DNAH5: variants seen among roughly 807,000 people sequenced by gnomAD.
DNAH5 encodes the protein axonemal beta dynein heavy chain 5.
A neutral mutation model predicts 518.2 loss-of-function variants in DNAH5; 372 were observed. That is an observed-to-expected ratio of 0.72 (90% CI 0.66 to 0.78). The LOEUF (loss-of-function observed/expected upper bound fraction) is 0.78, where lower values mean the gene tolerates loss of function less well. Ranked by LOEUF, DNAH5 falls within the 30% of genes least tolerant of loss-of-function variation. The probability of loss-of-function intolerance (pLI) is 0.00; values close to 1 mark genes in which losing one functional copy is unlikely to be tolerated. For synonymous variants in DNAH5, 2,039 were observed against 2,025.9 expected, an observed-to-expected ratio of 1.01 and a Z score of -0.17; for missense variants, 5,523 against 5,687.0, an observed-to-expected ratio of 0.97 and a Z score of 0.93.
chr5:13,834,188 C>T (rs1050880806), intron 35 of DNAH5, among the ~76,000 whole-genome samples: 1 of 151,878 alleles, frequency 6.6e-6, no homozygotes, highest in African/African-American at 2.4e-5. Flanking sequence ...CCTTTACTTA[C>T]ATACTTGAAA....
chr5:13,927,962 G>A (rs1778051704), intron 3 of DNAH5, 132 bp downstream of exon 3: 7 of 711,010 alleles, frequency 9.8e-6, no homozygotes, highest in South Asian at 9.4e-5. Flanking sequence ...TTCCCACATG[G>A]ACCCACACAC....
chr5:13,944,310 G>T (rs1244596664), intron 1 of DNAH5, 72 bp downstream of exon 1: 4 of 1,510,912 alleles, frequency 2.6e-6, no homozygotes, highest in African/African-American at 2.7e-5. Context: ...TTTCAAGTTT[G>T]TTTTTTCCAC....
At chr5:13,719,352 T>C (rs1744739520) in intron 71 of DNAH5, among the ~76,000 whole-genome samples, 1 of 152,182 alleles carries the variant, frequency 6.6e-6, no homozygotes, top group African/African-American at 2.4e-5. Context: ...ATCATGAATA[T>C]AATCAAAGTT....
At chr5:13,809,842 G>A (rs1168517731) in intron 45 of DNAH5, among the ~76,000 whole-genome samples, 1 of 152,164 alleles carries the variant, frequency 6.6e-6, no homozygotes, top group Non-Finnish European at 1.5e-5. Flanking sequence ...AAAGTTTAGT[G>A]CACAAGATAT....
chr5:13,811,460 A>G (rs943725647), intron 44 of DNAH5, among the ~76,000 whole-genome samples, 187 bp downstream of exon 44: 1 of 152,240 alleles, frequency 6.6e-6, no homozygotes, highest in Non-Finnish European at 1.5e-5. Context: ...ATATGAAAAA[A>G]TAAGTATATA....
intron 14 of DNAH5, 65 bp downstream of exon 14, chr5:13,901,187 T>G: frequency 6.5e-7 from 1 of 1,547,100 alleles, no homozygotes; most frequent in Non-Finnish European, 8.8e-7. Context: ...AATAACACTG[T>G]CAAATGCTAG....
chr5:13,777,645 T>C (rs951571421), intron 53 of DNAH5, among the ~76,000 whole-genome samples: 2 of 152,224 alleles, frequency 1.3e-5, no homozygotes, highest in South Asian at 2.1e-4. Context: ...AATGTATCTT[T>C]CTCAAAATTT....
At chr5:13,981,862 T>C (rs1379253326) in intron 1 of DNAH5, among the ~76,000 whole-genome samples, 1 of 152,172 alleles carries the variant, frequency 6.6e-6, no homozygotes, top group Non-Finnish European at 1.5e-5. Context: ...CCCATAACCA[T>C]GTGGCCAACA....
chr5:13,865,923 T>A lies in DNAH5; in HGVS notation c.4117-17A>T. 6.8e-7 allele frequency: 1 copy of A among 1,460,232 alleles called. No individual in the cohort carries two copies. The highest frequency in any genetic ancestry group is 9.6e-7 in the Non-Finnish European group (1 of 1,041,298). The allele number at this position is 1,460,232 out of a possible 1,614,324, so 90.5% of individuals were successfully genotyped here. ...AAATTGATTCTAATAAAAACACAAG[T>A]GAAAACGCATCAAAATGATTTATAC... On this transcript the variant is annotated splice_polypyrimidine_tract_variant and intron_variant, in intron 26 of 78. Coordinates refer to ENST00000265104, the MANE Select transcript of DNAH5 (RefSeq NM_001369.3).
chr5:13,756,955 C>T lies in DNAH5; in HGVS notation c.10419+1891G>A, dbSNP rs190004161. Among the ~76,000 whole-genome samples, 14 of 152,240 alleles carry T rather than the reference C, an allele frequency of 9.2e-5. No homozygotes were observed. In the East Asian group the frequency reaches 2.1e-3, roughly 23 times the overall value. ...CCCACTTATAAGTGAAAACATGTGGCATTTGGTTTTTCAGTTCCTGTGTTA... is the reference window on the plus strand; with the variant it reads ...CCCACTTATAAGTGAAAACATGTGGTATTTGGTTTTTCAGTTCCTGTGTTA... On this transcript the variant is annotated intron_variant, in intron 61 of 78. Transcript: ENST00000265104.
intron 14 of DNAH5, 80 bp downstream of exon 14, chr5:13,901,171 TA>T: frequency 6.7e-7 from 1 of 1,486,072 alleles, no homozygotes; most frequent in Non-Finnish European, 9.2e-7. Flanking sequence ...TCCAGCTTTC[TA>T]AAGAAATAAC....
At position 13,784,444 on chromosome 5, in the gene DNAH5, C is replaced by T. The variant is rs887511548; in HGVS notation, c.8820+1735G>A. Among the ~76,000 whole-genome samples the T allele has an allele frequency of 5.5e-4, 83 of 152,276 alleles. 1 individual carries two copies. Among genetic ancestry groups the T allele is most frequent in the African/African-American group, 1.9e-3 (79 of 41,562 alleles). Reference sequence around the variant, plus strand: ...AGATTCTGAGAATCCACAGAGTTGCCAAGCCAAGTGCCCTCGTGCTGGGGA... The same window carrying T: ...AGATTCTGAGAATCCACAGAGTTGCTAAGCCAAGTGCCCTCGTGCTGGGGA... On this transcript the variant is annotated intron_variant, in intron 52 of 78. Coordinates refer to ENST00000265104, the MANE Select transcript of DNAH5 (RefSeq NM_001369.3).
intron 43 of DNAH5, among the ~76,000 whole-genome samples, chr5:13,813,929 T>C (rs998039753): frequency 6.6e-6 from 1 of 152,160 alleles, no homozygotes; most frequent in Admixed American, 6.5e-5. Flanking sequence ...ATATTCAATA[T>C]AACCAACTAT....
intron 26 of DNAH5, 77 bp from the exon 27 acceptor site, chr5:13,865,983 A>C: frequency 8.7e-7 from 1 of 1,147,172 alleles, no homozygotes; most frequent in Non-Finnish European, 1.3e-6. Context: ...TAAGATTTGC[A>C]AACAAGCAAG....
At chr5:13,771,081 A>C in intron 55 of DNAH5, 101 bp from the exon 56 acceptor site, 1 of 1,114,372 alleles carries the variant, frequency 9.0e-7, no homozygotes, top group South Asian at 1.4e-5. Flanking sequence ...TTAGGAATGC[A>C]AACCATTTTT....
chr5:13,828,453 G>C (rs1309279555), intron 38 of DNAH5, among the ~76,000 whole-genome samples: 1 of 152,114 alleles, frequency 6.6e-6, no homozygotes, highest in Non-Finnish European at 1.5e-5. Flanking sequence ...ACCTCCTGGT[G>C]GTCATGTCCT....
chr5:13,844,972 CA>C lies in DNAH5; in HGVS notation c.5135del (p.Leu1712ArgfsTer15). The C allele has an allele frequency of 6.2e-7, 1 of 1,614,110 alleles. No individual in the cohort carries two copies. The highest frequency in any genetic ancestry group is 8.5e-7 in the Non-Finnish European group (1 of 1,179,990). ...AGACGAAGAAAAACCGAGGAAAGCA[CA>C]GTCGTTTTTTCTCCAAGTACCTACA... is the stretch of plus-strand genomic sequence containing the variant. ...SLTGYLEKKR[L>X]CFPRFFFVSD... On this transcript the variant is annotated frameshift_variant, in exon 32 of 79. Coordinates refer to ENST00000265104, the MANE Select transcript of DNAH5 (RefSeq NM_001369.3). LOFTEE classifies it high-confidence loss of function.
chr5:13,807,608 T>C lies in DNAH5; in HGVS notation c.7870A>G (p.Thr2624Ala), dbSNP rs1296034184. ...IKSLNFSSATTPLMFQRTIES... is the reference protein window; with the variant it reads ...IKSLNFSSATAPLMFQRTIES... The stretch of plus-strand genomic sequence containing the variant: ...GCCAGTACCTGGAACATCAGTGGGG[T>C]GGTTGCAGAAGAAAAATTCAGACTC... Residue 2624 changes from threonine to alanine, a missense_variant, in exon 47 of 79, where the codon ACC becomes GCC. Coordinates refer to ENST00000265104, the MANE Select transcript of DNAH5 (RefSeq NM_001369.3). 3.7e-6 allele frequency: 6 copies of C among 1,613,574 alleles called. No individual in the cohort carries two copies. The highest frequency in any genetic ancestry group is 2.7e-5 in the African/African-American group (2 of 74,976).
chr5:13,954,217 C>G (rs995226790), intron 1 of DNAH5, among the ~76,000 whole-genome samples: 1 of 152,148 alleles, frequency 6.6e-6, no homozygotes, highest in Admixed American at 6.5e-5. Context: ...CCCTGATATA[C>G]CCTGCACGAT....
Sources: gnomAD v4.1 joint callset for allele counts (sites outside exome capture counted in the v4.1 genomes callset) on GRCh38, gnomAD v4.1.1 for gene constraint, MANE v1.5 for transcripts, NCBI Gene and HGNC (gene_info 2026-07-23, HGNC 2026-07-21) for gene names.